DRD2: variants seen among roughly 807,000 people sequenced by gnomAD.
The protein encoded by DRD2 is D(2) dopamine receptor.
DRD2 carries 8 observed loss-of-function variants against 38.0 expected under a neutral mutation model. That is an observed-to-expected ratio of 0.21 (90% CI 0.12 to 0.38). The LOEUF is 0.38. Ranked by LOEUF, DRD2 falls within the 10% of genes least tolerant of loss-of-function variation. The pLI is 1.00. For missense variants in DRD2, 403 were observed against 607.7 expected (o/e 0.66, Z 3.54); for synonymous variants, 230 against 238.6 (o/e 0.96, Z 0.33).
At chr11:113,452,171 A>G (rs1428756097) in intron 1 of DRD2, among the ~76,000 whole-genome samples, 1 of 152,104 alleles carries the variant, frequency 6.6e-6, no homozygotes, top group Non-Finnish European at 1.5e-5. Flanking sequence ...GCTGACCCCA[A>G]ATCATATTGG....
Position 113,436,341 on chromosome 11 carries a change from G to T in DRD2, c.-31-11659C>A, listed in dbSNP as rs192445105. 1.4e-3 allele frequency among the ~76,000 whole-genome samples: 218 copies of T among 152,256 alleles called. 1 individual carries two copies. The Middle Eastern group carries it at 0.017, about 12-fold the overall frequency. On this transcript the variant is annotated intron_variant, in intron 1 of 7. Coordinates refer to ENST00000362072, the MANE Select transcript of DRD2 (RefSeq NM_000795.4). ...CAAAGAAAAAAAAGAGAGATGGAGTGGGGAGAGCCTCTAGAATAAAATAAA... is the reference window on the plus strand; with the variant it reads ...CAAAGAAAAAAAAGAGAGATGGAGTTGGGAGAGCCTCTAGAATAAAATAAA...
intron 3 of DRD2, among the ~76,000 whole-genome samples, chr11:113,417,573 G>A (rs2138166805): frequency 6.6e-6 from 1 of 152,276 alleles, no homozygotes; most frequent in East Asian, 1.9e-4. Flanking sequence ...GCTTAGCAAG[G>A]TGTGCATGGC....
At chr11:113,438,799 G>A (rs1269504541) in intron 1 of DRD2, among the ~76,000 whole-genome samples, 1 of 152,248 alleles carries the variant, frequency 6.6e-6, no homozygotes, top group African/African-American at 2.4e-5. Context: ...CAGGACAGAA[G>A]TAGGACCAGC....
At chr11:113,467,203 C>T (rs1174855102) in intron 1 of DRD2, among the ~76,000 whole-genome samples, 1 of 152,068 alleles carries the variant, frequency 6.6e-6, no homozygotes, top group Non-Finnish European at 1.5e-5. Flanking sequence ...GGAAGATGAC[C>T]CAGGAACAGA....
intron 1 of DRD2, among the ~76,000 whole-genome samples, chr11:113,474,800 G>C (rs1381510612): frequency 6.6e-6 from 1 of 152,064 alleles, no homozygotes; most frequent in Non-Finnish European, 1.5e-5. Context: ...GGCTGCCCCA[G>C]CTGCGCCCGC....
chr11:113,419,566 T>C (rs1472066153), intron 2 of DRD2, among the ~76,000 whole-genome samples: 2 of 137,856 alleles, frequency 1.5e-5, no homozygotes, highest in Non-Finnish European at 3.1e-5. Context: ...TCACGGCAGC[T>C]GTCCCTAGCG....
At chr11:113,437,409 G>A (rs1381647205) in intron 1 of DRD2, among the ~76,000 whole-genome samples, 1 of 152,148 alleles carries the variant, frequency 6.6e-6, no homozygotes, top group African/African-American at 2.4e-5. Context: ...ACCCCTCCAG[G>A]CTGGTAGGTG....
intron 5 of DRD2, among the ~76,000 whole-genome samples, chr11:113,414,664 C>G (rs1180160836): frequency 6.6e-6 from 1 of 152,186 alleles, no homozygotes; most frequent in East Asian, 1.9e-4. Flanking sequence ...AACACAAGGA[C>G]CTGGTTTTTT....
chr11:113,415,359 T>G, intron 5 of DRD2, 62 bp downstream of exon 5: 212 of 1,541,590 alleles, frequency 1.4e-4, no homozygotes, highest in Middle Eastern at 2.3e-4. Flanking sequence ...GAGCATAAGA[T>G]GAGCCCTCTT....
At chr11:113,413,819 A>G (rs982871267) in intron 6 of DRD2, 39 of 223,094 alleles carry the variant, frequency 1.7e-4, no homozygotes, top group African/African-American at 8.3e-4. Context: ...TGAGGGCTCT[A>G]TGTACACAAA....
chr11:113,465,261 CGG>C (rs1951357309), intron 1 of DRD2, among the ~76,000 whole-genome samples: 3 of 152,086 alleles, frequency 2.0e-5, no homozygotes, highest in Non-Finnish European at 4.4e-5. Context: ...CCACCACATC[CGG>C]CTAAGTTTTG....
At chr11:113,446,736 T>G (rs991511349) in intron 1 of DRD2, among the ~76,000 whole-genome samples, 1 of 152,218 alleles carries the variant, frequency 6.6e-6, no homozygotes, top group African/African-American at 2.4e-5. Flanking sequence ...CACTGTACAG[T>G]ACACATTGAT....
intron 1 of DRD2, among the ~76,000 whole-genome samples, chr11:113,464,539 T>C (rs1304370929): frequency 6.6e-6 from 1 of 152,184 alleles, no homozygotes; most frequent in Non-Finnish European, 1.5e-5. Flanking sequence ...TGAAATCAAC[T>C]TCCAACAGCT....
chr11:113,448,235 A>G (rs1324304321), intron 1 of DRD2, among the ~76,000 whole-genome samples: 3 of 152,176 alleles, frequency 2.0e-5, no homozygotes, highest in Admixed American at 1.3e-4. Context: ...TCTCTTGTCC[A>G]TAGGCCAGTA....
intron 1 of DRD2, among the ~76,000 whole-genome samples, chr11:113,461,564 A>G (rs1236082697): frequency 1.3e-5 from 2 of 152,202 alleles, no homozygotes; most frequent in Non-Finnish European, 1.5e-5. Context: ...ACTGGAGTAT[A>G]TAAGAGAAGA....
intron 1 of DRD2, among the ~76,000 whole-genome samples, chr11:113,438,624 C>A (rs1030428112): frequency 6.6e-6 from 1 of 152,198 alleles, no homozygotes; most frequent in Non-Finnish European, 1.5e-5. Context: ...AATATCAGGG[C>A]ACCTGGCAGG....
chr11:113,410,695 G>C lies in DRD2; in HGVS notation c.*32C>G. The C allele has an allele frequency of 6.2e-7, 1 of 1,613,686 alleles. No individual in the cohort carries two copies. Among genetic ancestry groups the C allele is most frequent in the Non-Finnish European group, 8.5e-7 (1 of 1,179,876 alleles). The stretch of plus-strand genomic sequence containing the variant: ...CTGGCCGGCCTGGGCAGGGAGGTGG[G>C]AAGCAGGCTGCTGTGCGGGCAGGCA... On this transcript the variant is annotated 3_prime_UTR_variant, in exon 8 of 8. Coordinates refer to ENST00000362072, the MANE Select transcript of DRD2 (RefSeq NM_000795.4).
Position 113,452,899 on chromosome 11 carries a change from G to A in DRD2, c.-32+22177C>T, listed in dbSNP as rs574760805. Among the ~76,000 whole-genome samples the A allele has an allele frequency of 7.9e-5, 12 of 151,776 alleles. 1 individual carries two copies. The highest frequency in any genetic ancestry group is 1.8e-4 in the Non-Finnish European group (12 of 67,952). On this transcript the variant is annotated intron_variant, in intron 1 of 7. Coordinates refer to ENST00000362072, the MANE Select transcript of DRD2 (RefSeq NM_000795.4). ...ACTCCTGAACTCAGGTGATCTACCCGCCTCGGCCTCCCAAAGCGCTAGGAT... is the reference window on the plus strand; with the variant it reads ...ACTCCTGAACTCAGGTGATCTACCCACCTCGGCCTCCCAAAGCGCTAGGAT...
chr11:113,466,274 T>TG (rs1394865736), intron 1 of DRD2, among the ~76,000 whole-genome samples: 2 of 152,234 alleles, frequency 1.3e-5, no homozygotes, highest in African/African-American at 2.4e-5. Flanking sequence ...CATGCTTATC[T>TG]GTACCTTTTA....
Sources: allele counts gnomAD v4.1 joint callset (sites outside exome capture counted in the v4.1 genomes callset), GRCh38; gene constraint gnomAD v4.1.1; transcripts MANE v1.5; gene names NCBI Gene and HGNC (gene_info 2026-07-23, HGNC 2026-07-21).